LIN28B: variants seen among roughly 807,000 people sequenced by gnomAD.
The protein encoded by LIN28B is protein lin-28 homolog B.
In LIN28B, 5 loss-of-function variants were observed where a neutral mutation model predicts 21.9. That is an observed-to-expected ratio of 0.23 (90% CI 0.12 to 0.48). The LOEUF (loss-of-function observed/expected upper bound fraction) is 0.48, where lower values mean the gene tolerates loss of function less well. LIN28B is among the 20% of genes least tolerant of loss of function. LIN28B has a pLI of 0.98. For missense variants in LIN28B, 245 were observed against 310.5 expected (o/e 0.79, Z 1.58); for synonymous variants, 109 against 111.3 (o/e 0.98, Z 0.13).
intron 2 of LIN28B, among the ~76,000 whole-genome samples, chr6:105,007,592 A>G (rs186970627): frequency 1.3e-5 from 2 of 149,820 alleles, no homozygotes; most frequent in East Asian, 3.9e-4. Context: ...TAATGTGATC[A>G]TAGCTAACTA....
chr6:104,991,809 G>A (rs1770487480), intron 2 of LIN28B, among the ~76,000 whole-genome samples: 1 of 152,164 alleles, frequency 6.6e-6, no homozygotes. Flanking sequence ...TTAGGAGCTG[G>A]AGACCAGCCC....
rs77277463 is a variant in LIN28B at position 105,018,826 on chromosome 6, C to T, written c.199-7472C>T. Among the ~76,000 whole-genome samples the T allele has an allele frequency of 5.6e-3, 854 of 152,130 alleles. 7 individuals carry two copies. Among genetic ancestry groups the T allele is most frequent in the African/African-American group, 0.02 (840 of 41,512 alleles). On this transcript the variant is annotated intron_variant, in intron 2 of 3. Coordinates refer to ENST00000345080, the MANE Select transcript of LIN28B (RefSeq NM_001004317.4). ...ATTTTCTGAGAGTGCTTTTTAAATT[C>T]TCTGGTTGTTTAAAATCTTTTATTG... is the stretch of plus-strand genomic sequence containing the variant.
chr6:104,960,141 A>G (rs1406018943), intron 2 of LIN28B, among the ~76,000 whole-genome samples: 1 of 152,182 alleles, frequency 6.6e-6, no homozygotes, highest in Non-Finnish European at 1.5e-5. Context: ...TACATACAGT[A>G]GTATATACAT....
chr6:105,030,125 C>T (rs1771389070), intron 3 of LIN28B, among the ~76,000 whole-genome samples: 1 of 152,130 alleles, frequency 6.6e-6, no homozygotes, highest in Non-Finnish European at 1.5e-5. Context: ...TAATTTTTGT[C>T]ACTAGGATTA....
chr6:105,065,684 A>G lies in LIN28B; in HGVS notation c.384-12730A>G, dbSNP rs546124155. On this transcript the variant is annotated intron_variant, in intron 3 of 3. Coordinates refer to ENST00000345080, the MANE Select transcript of LIN28B (RefSeq NM_001004317.4). ...TGCTGTGTAGCTGTCAAGACAGGTG[A>G]TGGCTTGGGATAGTCTTCTTTTGGC... 2.0e-5 allele frequency among the ~76,000 whole-genome samples: 3 copies of G among 152,320 alleles called. No individual in the cohort carries two copies. The East Asian group carries it at 5.8e-4, about 29-fold the overall frequency.
chr6:105,042,706 C>T (rs577651553), intron 3 of LIN28B, among the ~76,000 whole-genome samples: 153 of 151,800 alleles, frequency 1.0e-3, no homozygotes, highest in Middle Eastern at 6.8e-3. Context: ...TCTTTTCTGT[C>T]CTAAACTGGT....
intron 3 of LIN28B, among the ~76,000 whole-genome samples, chr6:105,040,903 ATTTC>A (rs1771619351): frequency 4.0e-5 from 6 of 151,552 alleles, no homozygotes. Context: ...TTTTTTATTT[ATTTC>A]TTTTATTTTT....
intron 2 of LIN28B, among the ~76,000 whole-genome samples, chr6:104,949,193 T>C (rs1415961155): frequency 6.6e-6 from 1 of 152,222 alleles, no homozygotes; most frequent in Non-Finnish European, 1.5e-5. Context: ...GAAATATTTA[T>C]GTACAATAAT....
chr6:105,044,197 ACT>A (rs776336078), intron 3 of LIN28B, among the ~76,000 whole-genome samples: 40 of 152,106 alleles, frequency 2.6e-4, no homozygotes, highest in Non-Finnish European at 5.4e-4. Flanking sequence ...CTCTTGCTGA[ACT>A]CTGTTGATTT....
At chr6:104,955,103 G>GA (rs1259793777), upstream of LIN28B, among the ~76,000 whole-genome samples, 1 of 151,952 alleles carries the variant, frequency 6.6e-6, no homozygotes, top group Non-Finnish European at 1.5e-5. Context: ...ATTAAAATAT[G>GA]AAAAAATATA....
intron 2 of LIN28B, among the ~76,000 whole-genome samples, chr6:105,011,683 C>T (rs1019517317): frequency 1.3e-5 from 2 of 151,410 alleles, no homozygotes; most frequent in African/African-American, 4.9e-5. Context: ...AACTCCGTCT[C>T]TACTAAAAAT....
At chr6:105,030,012 CTG>C (rs1000106396) in intron 3 of LIN28B, among the ~76,000 whole-genome samples, 1 of 152,158 alleles carries the variant, frequency 6.6e-6, no homozygotes, top group African/African-American at 2.4e-5. Context: ...AAGTGAATAA[CTG>C]TTCCAACTCC....
At chr6:105,070,832 T>G (rs1772319929) in intron 3 of LIN28B, among the ~76,000 whole-genome samples, 1 of 152,132 alleles carries the variant, frequency 6.6e-6, no homozygotes, top group Non-Finnish European at 1.5e-5. Context: ...TAACCACTCT[T>G]TATTTGTCAA....
chr6:105,060,334 G>A (rs562359045), intron 3 of LIN28B, among the ~76,000 whole-genome samples: 1 of 152,226 alleles, frequency 6.6e-6, no homozygotes, highest in Non-Finnish European at 1.5e-5. Context: ...TGTGATCATG[G>A]CTCACTGCAG....
rs547542556 is a variant in LIN28B, at chr6:104,969,592, A to G, written c.198+11306A>G. ...GTTATCTTTAGAAGTTTTTCATTGC[A>G]TTGCAGCTTATTTGATGTATATACT... On this transcript the variant is annotated intron_variant, in intron 2 of 3. Transcript: ENST00000345080. 1.1e-4 allele frequency among the ~76,000 whole-genome samples: 16 copies of G among 152,220 alleles called. No individual in the cohort carries two copies. The East Asian group carries it at 3.1e-3, about 29-fold the overall frequency.
intron 2 of LIN28B, among the ~76,000 whole-genome samples, chr6:105,003,115 C>A (rs1171465319): frequency 6.6e-6 from 1 of 151,978 alleles, no homozygotes; most frequent in Non-Finnish European, 1.5e-5. Flanking sequence ...CATTTTCTTC[C>A]CATAGGTACG....
intron 2 of LIN28B, among the ~76,000 whole-genome samples, chr6:104,966,966 A>C (rs1290023379): frequency 6.6e-6 from 1 of 151,924 alleles, no homozygotes; most frequent in Non-Finnish European, 1.5e-5. Context: ...GGGTCTCCCC[A>C]TGTTGCCCAG....
intron 2 of LIN28B, among the ~76,000 whole-genome samples, chr6:104,973,961 T>C (rs761176200): frequency 6.6e-5 from 10 of 152,224 alleles, no homozygotes; most frequent in Non-Finnish European, 1.3e-4. Flanking sequence ...ATTACCTGAA[T>C]TTCCAAAGAA....
intron 2 of LIN28B, among the ~76,000 whole-genome samples, chr6:104,942,651 G>C (rs751031784): frequency 9.2e-5 from 14 of 152,088 alleles, no homozygotes; most frequent in Non-Finnish European, 1.6e-4. Flanking sequence ...TCTTAGGGAA[G>C]GTTCTTGCCT....
Sources: allele counts gnomAD v4.1 joint callset (sites outside exome capture counted in the v4.1 genomes callset), GRCh38; gene constraint gnomAD v4.1.1; transcripts MANE v1.5; gene names NCBI Gene and HGNC (gene_info 2026-07-23, HGNC 2026-07-21).